The following PDE1A variants were observed in gnomAD, a reference collection of about 807,000 sequenced individuals.
PDE1A encodes phosphodiesterase 1A, also known as dual specificity calcium/calmodulin-dependent 3',5'-cyclic nucleotide phosphodiesterase 1A.
In PDE1A, 35 loss-of-function variants were observed where a neutral mutation model predicts 61.7. The ratio of observed to expected loss-of-function variants is 0.57; its 90% CI spans 0.43 to 0.75. PDE1A has a LOEUF of 0.75. Among genes scored for constraint, PDE1A ranks in the 30% least tolerant of loss-of-function variants. The pLI is 0.00. For synonymous variants in PDE1A, 232 were observed against 213.2 expected, an observed-to-expected ratio of 1.09 and a Z score of -0.77; for missense variants, 597 against 630.6, an observed-to-expected ratio of 0.95 and a Z score of 0.57.
At chr2:182,388,232 G>T (rs1400449956) in intron 1 of PDE1A, among the ~76,000 whole-genome samples, 1 of 152,088 alleles carries the variant, frequency 6.6e-6, no homozygotes, top group Non-Finnish European at 1.5e-5. Context: ...TACAATAATA[G>T]TAGGGGATAT....
chr2:182,168,035 A>G (rs897308003), exon 14 of PDE1A: 2 of 1,255,100 alleles, frequency 1.6e-6, no homozygotes, highest in African/African-American at 1.5e-5. Context: ...TGTAGCCACT[A>G]GATGAATCTG....
chr2:182,550,817 G>C, the PDE1A span, among the ~76,000 whole-genome samples: 1 of 152,170 alleles, frequency 6.6e-6, no homozygotes, highest in Non-Finnish European at 1.5e-5. Flanking sequence ...GAGAGCATGA[G>C]AGTCTCCTGT....
the PDE1A span, among the ~76,000 whole-genome samples, chr2:182,619,050 T>C: frequency 1.3e-5 from 2 of 148,214 alleles, no homozygotes; most frequent in Non-Finnish European, 3.0e-5. Context: ...AAAACAAAAA[T>C]AGGCGGGTGA....
intron 1 of PDE1A, among the ~76,000 whole-genome samples, chr2:182,321,748 G>T (rs1696708033): frequency 6.6e-6 from 1 of 152,040 alleles, no homozygotes; most frequent in Non-Finnish European, 1.5e-5. Context: ...CACCTAGAAA[G>T]CACCTCAAGC....
intron 7 of PDE1A, among the ~76,000 whole-genome samples, chr2:182,206,797 T>G (rs1306143835): frequency 1.3e-5 from 2 of 152,114 alleles, no homozygotes; most frequent in Admixed American, 6.6e-5. Flanking sequence ...TGATAGTGAG[T>G]TAGTTCTCAT....
chr2:182,152,349 T>C (rs1243909148), intron 13 of PDE1A, among the ~76,000 whole-genome samples: 1 of 151,948 alleles, frequency 6.6e-6, no homozygotes, highest in African/African-American at 2.4e-5. Context: ...TAGTTTGCCT[T>C]ACATGCTGGG....
At chr2:182,368,825 T>C (rs1699977269) in intron 1 of PDE1A, among the ~76,000 whole-genome samples, 1 of 152,166 alleles carries the variant, frequency 6.6e-6, no homozygotes, top group Non-Finnish European at 1.5e-5. Context: ...TTGGGAGTGA[T>C]GATTAACAAG....
intron 1 of PDE1A, among the ~76,000 whole-genome samples, chr2:182,273,752 G>A (rs1402488431): frequency 6.6e-6 from 1 of 152,024 alleles, no homozygotes; most frequent in Non-Finnish European, 1.5e-5. Flanking sequence ...ATAAAAGGTT[G>A]GTTGGGCAAA....
rs569451592 is a variant in PDE1A at position 182,298,466 on chromosome 2, G to A, written c.54-34052C>T. Among the ~76,000 whole-genome samples, 4 of 152,262 alleles carry A rather than the reference G, an allele frequency of 2.6e-5. No individual in the cohort carries two copies. In the South Asian group the frequency reaches 8.3e-4, roughly 32 times the overall value. On this transcript the variant is annotated intron_variant, in intron 1 of 13. Transcript: ENST00000351439. Reference sequence around the variant, plus strand: ...GGTGAAGTAAGGCCCTGAGAAGAAAGAATATGACCATGATATGTGGGATGG... The same window carrying A: ...GGTGAAGTAAGGCCCTGAGAAGAAAAAATATGACCATGATATGTGGGATGG...
At chr2:182,532,313 A>T in the PDE1A span, among the ~76,000 whole-genome samples, 1 of 152,246 alleles carries the variant, frequency 6.6e-6, no homozygotes, top group African/African-American at 2.4e-5. Context: ...GATGTAGAGT[A>T]CACACTCTAT....
intron 8 of PDE1A, among the ~76,000 whole-genome samples, chr2:182,203,111 C>G (rs956065881): frequency 2.6e-5 from 4 of 151,992 alleles, no homozygotes; most frequent in African/African-American, 9.7e-5. Context: ...GTCAGGAGAT[C>G]GAGACCATCC....
chr2:182,455,319 C>G (rs887358259), intron 2 of PDE1A, among the ~76,000 whole-genome samples: 2 of 152,100 alleles, frequency 1.3e-5, no homozygotes, highest in Non-Finnish European at 2.9e-5. Context: ...GGACTGTAAA[C>G]TAGTTCAACC....
chr2:182,700,406 C>G, the PDE1A span, among the ~76,000 whole-genome samples: 1 of 151,920 alleles, frequency 6.6e-6, no homozygotes, highest in African/African-American at 2.4e-5. Flanking sequence ...CAAAACCCAT[C>G]TCTACTAAAA....
chr2:182,248,262 A>G (rs1378075171), intron 2 of PDE1A, among the ~76,000 whole-genome samples: 2 of 150,844 alleles, frequency 1.3e-5, no homozygotes, highest in Non-Finnish European at 2.9e-5. Flanking sequence ...CAAAAAAAAA[A>G]AAAAAAGAAA....
downstream of PDE1A, among the ~76,000 whole-genome samples, chr2:182,144,199 C>G (rs1487115081): frequency 1.3e-5 from 2 of 152,148 alleles, no homozygotes; most frequent in Non-Finnish European, 2.9e-5. Context: ...AGACACCGGT[C>G]GTGATAGGGA....
intron 13 of PDE1A, among the ~76,000 whole-genome samples, chr2:182,181,288 G>A (rs1430877022): frequency 6.6e-6 from 1 of 152,112 alleles, no homozygotes; most frequent in Non-Finnish European, 1.5e-5. Context: ...GGTCTTTTTT[G>A]TTGATGCTTT....
chr2:182,267,147 G>T (rs1249430242), intron 1 of PDE1A, among the ~76,000 whole-genome samples: 4 of 152,070 alleles, frequency 2.6e-5, no homozygotes, highest in African/African-American at 9.7e-5. Flanking sequence ...GTTCCTAGGG[G>T]ATTCATCCCA....
At chr2:182,407,335 G>GTTTGC (rs57709904) in intron 1 of PDE1A, among the ~76,000 whole-genome samples, 102,983 of 151,540 alleles carry the variant, frequency 0.68, 35,446 homozygotes, top group East Asian at 0.96. Context: ...GATAATTTGA[G>GTTTGC]TTTAAGTACA....
the PDE1A span, among the ~76,000 whole-genome samples, chr2:182,700,301 G>T: frequency 2.6e-5 from 4 of 152,216 alleles, no homozygotes; most frequent in Non-Finnish European, 5.9e-5. Flanking sequence ...GCCGGGCGCG[G>T]TGGCTCACGC....
Sources: allele counts gnomAD v4.1 joint callset (sites outside exome capture counted in the v4.1 genomes callset), GRCh38; gene constraint gnomAD v4.1.1; transcripts MANE v1.5; gene names NCBI Gene and HGNC (gene_info 2026-07-23, HGNC 2026-07-21).